Variants in ZFAND3 observed in about 807,000 individuals in gnomAD.
ZFAND3 encodes the protein zinc finger AN1-type containing 3.
In ZFAND3, 10 loss-of-function variants were observed where a neutral mutation model predicts 29.6. That is an observed-to-expected ratio of 0.34 (90% CI 0.21 to 0.57). ZFAND3 has a LOEUF of 0.57. Ranked by LOEUF, ZFAND3 falls within the 20% of genes least tolerant of loss-of-function variation. ZFAND3 has a pLI of 0.86. For missense variants in ZFAND3, 230 were observed against 304.5 expected (o/e 0.76, Z 1.82); for synonymous variants, 128 against 112.6 (o/e 1.14, Z -0.87).
intron 2 of ZFAND3, among the ~76,000 whole-genome samples, chr6:38,041,684 TCTCCTTCTC>T (rs1561976791): frequency 1.4e-3 from 27 of 19,344 alleles, no homozygotes; most frequent in African/African-American, 4.6e-3. Flanking sequence ...TTCTTCTTCT[TCTCCTTCTC>T]CTTCTCCTCC....
intron 2 of ZFAND3, among the ~76,000 whole-genome samples, chr6:38,029,358 G>A (rs918660361): frequency 5.3e-5 from 8 of 152,048 alleles, no homozygotes; most frequent in African/African-American, 1.4e-4. Flanking sequence ...TCTGATTTTC[G>A]TTTTATGTTT....
At chr6:37,935,417 TA>T (rs1561939498) in intron 2 of ZFAND3, among the ~76,000 whole-genome samples, 1 of 152,178 alleles carries the variant, frequency 6.6e-6, no homozygotes, top group Non-Finnish European at 1.5e-5. Context: ...AGTAAATGAA[TA>T]TAAAAAGCGA....
At chr6:38,128,527 C>T (rs1350536088) in intron 5 of ZFAND3, among the ~76,000 whole-genome samples, 1 of 152,188 alleles carries the variant, frequency 6.6e-6, no homozygotes, top group Non-Finnish European at 1.5e-5. Context: ...TTGTGTCATT[C>T]CTATCCCTTT....
At chr6:37,836,770 A>G (rs981591850) in intron 1 of ZFAND3, among the ~76,000 whole-genome samples, 1 of 152,114 alleles carries the variant, frequency 6.6e-6, no homozygotes. Flanking sequence ...TTCCAATAAT[A>G]TATATGTTTT....
intron 5 of ZFAND3, among the ~76,000 whole-genome samples, chr6:38,118,308 G>A (rs1274573655): frequency 2.0e-5 from 3 of 152,162 alleles, no homozygotes. Context: ...AACCAGCTTC[G>A]CTCCACTCTG....
At chr6:37,853,155 G>A (rs1159025160) in intron 1 of ZFAND3, among the ~76,000 whole-genome samples, 1 of 152,098 alleles carries the variant, frequency 6.6e-6, no homozygotes, top group African/African-American at 2.4e-5. Context: ...AGTAATGTAT[G>A]TGGAATTCAG....
At chr6:37,944,360 T>C (rs1394062406) in intron 2 of ZFAND3, among the ~76,000 whole-genome samples, 1 of 152,226 alleles carries the variant, frequency 6.6e-6, no homozygotes, top group African/African-American at 2.4e-5. Flanking sequence ...ATAAAGTGTT[T>C]CATGTTCTAA....
chr6:38,075,413 G>A (rs540554152), intron 3 of ZFAND3, among the ~76,000 whole-genome samples: 1 of 152,326 alleles, frequency 6.6e-6, no homozygotes, highest in African/African-American at 2.4e-5. Context: ...AGATGTGGTG[G>A]AAATCACAAG....
chr6:38,097,730 G>A (rs191523978), intron 4 of ZFAND3, among the ~76,000 whole-genome samples: 257 of 152,326 alleles, frequency 1.7e-3, no homozygotes, highest in Non-Finnish European at 2.2e-3. Context: ...TAATAGAGAT[G>A]TAGACAGATG....
At chr6:37,994,581 T>C (rs1208422792) in intron 2 of ZFAND3, among the ~76,000 whole-genome samples, 1 of 152,216 alleles carries the variant, frequency 6.6e-6, no homozygotes, top group Non-Finnish European at 1.5e-5. Flanking sequence ...AGGGTAGCTC[T>C]TTACTTCTTC....
At chr6:37,978,786 T>A (rs1762531559) in intron 2 of ZFAND3, among the ~76,000 whole-genome samples, 1 of 152,210 alleles carries the variant, frequency 6.6e-6, no homozygotes, top group Admixed American at 6.5e-5. Flanking sequence ...TGCCTCAGCC[T>A]CCTGAGTAGC....
At chr6:37,864,120 T>C (rs1359492145) in intron 1 of ZFAND3, among the ~76,000 whole-genome samples, 2 of 152,174 alleles carry the variant, frequency 1.3e-5, no homozygotes, top group East Asian at 3.8e-4. Flanking sequence ...CATGTGAAAA[T>C]CAGAGACTGT....
chr6:38,049,972 G>A (rs1350922482), intron 2 of ZFAND3, among the ~76,000 whole-genome samples: 1 of 64,784 alleles, frequency 1.5e-5, no homozygotes, highest in African/African-American at 5.2e-5. Context: ...TTTTTTTGGG[G>A]GAGACAGAGT....
chr6:38,041,152 T>G (rs994339542), intron 2 of ZFAND3, among the ~76,000 whole-genome samples: 3 of 152,202 alleles, frequency 2.0e-5, no homozygotes, highest in African/African-American at 7.2e-5. Context: ...CATGATTAGA[T>G]TGAAATTACG....
chr6:38,127,012 G>T (rs183283014), intron 5 of ZFAND3, among the ~76,000 whole-genome samples: 1 of 151,402 alleles, frequency 6.6e-6, no homozygotes, highest in African/African-American at 2.4e-5. Flanking sequence ...GTTAGCTCTC[G>T]ATTCCTTAGG....
chr6:38,071,136 A>G (rs1396211175), intron 3 of ZFAND3, among the ~76,000 whole-genome samples: 1 of 151,744 alleles, frequency 6.6e-6, no homozygotes, highest in Non-Finnish European at 1.5e-5. Context: ...AGAATTCTAG[A>G]TAAGTATTTG....
At chr6:37,820,458 C>T (rs1763644766) in intron 1 of ZFAND3, among the ~76,000 whole-genome samples, 1 of 152,232 alleles carries the variant, frequency 6.6e-6, no homozygotes, top group Admixed American at 6.5e-5. Context: ...ACCTCCCCTC[C>T]TCCCCGTCCT....
chr6:37,839,828 T>C (rs1046155042), intron 1 of ZFAND3, among the ~76,000 whole-genome samples: 3 of 152,096 alleles, frequency 2.0e-5, no homozygotes, highest in African/African-American at 7.2e-5. Flanking sequence ...TTGTAAAATT[T>C]ATGTATTCTG....
intron 5 of ZFAND3, chr6:38,142,480 A>G (rs1411560215): frequency 2.6e-6 from 1 of 390,230 alleles, no homozygotes; most frequent in Non-Finnish European, 5.2e-6. Context: ...CCTGGATGGA[A>G]TGCGTGCCTC....
Sources: gnomAD v4.1 joint callset for allele counts (sites outside exome capture counted in the v4.1 genomes callset) on GRCh38, gnomAD v4.1.1 for gene constraint, MANE v1.5 for transcripts, NCBI Gene and HGNC (gene_info 2026-07-23, HGNC 2026-07-21) for gene names.